Variants in PPM1E observed in about 807,000 individuals in gnomAD.
PPM1E encodes protein phosphatase 1E.
A neutral mutation model predicts 65.9 loss-of-function variants in PPM1E; 20 were observed. That is an observed-to-expected ratio of 0.30 (90% CI 0.21 to 0.44). The LOEUF (loss-of-function observed/expected upper bound fraction) is 0.44, where lower values mean the gene tolerates loss of function less well. Ranked by LOEUF, PPM1E falls within the 20% of genes least tolerant of loss-of-function variation. The probability of loss-of-function intolerance (pLI) is 1.00; values close to 1 mark genes in which losing one functional copy is unlikely to be tolerated. For missense variants in PPM1E, 713 were observed against 953.1 expected (o/e 0.75, Z 3.32); for synonymous variants, 352 against 374.9 (o/e 0.94, Z 0.70).
At chr17:58,830,292 G>GTTGTTGTTA (rs1555612724) in intron 1 of PPM1E, among the ~76,000 whole-genome samples, 1 of 146,816 alleles carries the variant, frequency 6.8e-6, no homozygotes, top group African/African-American at 2.5e-5. Flanking sequence ...TGTTGTTGTT[G>GTTGTTGTTA]TTATTATTAT....
chr17:58,823,016 G>A (rs552740912), intron 1 of PPM1E, among the ~76,000 whole-genome samples: 6 of 152,070 alleles, frequency 3.9e-5, no homozygotes, highest in Non-Finnish European at 8.8e-5. Flanking sequence ...GATGATTATT[G>A]CTCTTCTTGT....
chr17:58,790,317 G>A (rs2050145117), intron 1 of PPM1E, among the ~76,000 whole-genome samples: 1 of 152,028 alleles, frequency 6.6e-6, no homozygotes, highest in African/African-American at 2.4e-5. Flanking sequence ...ACCCACTGTG[G>A]CCTTTCAAAA....
At chr17:58,849,889 G>C (rs1369020040) in intron 1 of PPM1E, among the ~76,000 whole-genome samples, 1 of 152,142 alleles carries the variant, frequency 6.6e-6, no homozygotes, top group Non-Finnish European at 1.5e-5. Context: ...GGGTGTTAAA[G>C]TCTCTCATTA....
At chr17:58,837,571 C>T (rs1169163448) in intron 1 of PPM1E, among the ~76,000 whole-genome samples, 7 of 150,306 alleles carry the variant, frequency 4.7e-5, no homozygotes, top group African/African-American at 1.2e-4. Flanking sequence ...AATCTCTGCT[C>T]ACTGCAACCT....
chr17:58,871,808 C>A (rs1421498256), intron 1 of PPM1E, among the ~76,000 whole-genome samples: 1 of 59,032 alleles, frequency 1.7e-5, no homozygotes, highest in African/African-American at 7.0e-5. Flanking sequence ...CAAAGGGAGA[C>A]CCTGTCTCAA....
chr17:58,871,458 G>A (rs2051068865), intron 1 of PPM1E, among the ~76,000 whole-genome samples: 1 of 152,122 alleles, frequency 6.6e-6, no homozygotes, highest in African/African-American at 2.4e-5. Flanking sequence ...CAAGAACAGT[G>A]TCTCTCATCT....
At chr17:58,798,516 C>T (rs2050228675) in intron 1 of PPM1E, among the ~76,000 whole-genome samples, 1 of 149,548 alleles carries the variant, frequency 6.7e-6, no homozygotes, top group Non-Finnish European at 1.5e-5. Context: ...ATCCACCGCA[C>T]ACGGCCCTAT....
chr17:58,932,394 G>A (rs553530008), intron 1 of PPM1E, among the ~76,000 whole-genome samples: 8 of 152,214 alleles, frequency 5.3e-5, no homozygotes, highest in Non-Finnish European at 1.2e-4. Flanking sequence ...ACTTGAACTC[G>A]GGAGGTGGAG....
In PPM1E at chr17:58,832,760, C is replaced by T. The variant is rs147746726; in HGVS notation, c.464+76299C>T. On this transcript the variant is annotated intron_variant, in intron 1 of 6. Coordinates refer to ENST00000308249, the MANE Select transcript of PPM1E (RefSeq NM_014906.5). ...CAAAATCAGAAAACTGACATTGGTA[C>T]AATACTATTTATTAACTAAACTACT... Among the ~76,000 whole-genome samples, 9 of 152,192 alleles carry T rather than the reference C, an allele frequency of 5.9e-5. No individual in the cohort carries two copies. In the East Asian group the frequency reaches 1.7e-3, roughly 29 times the overall value.
At chr17:58,844,778 A>G (rs1335653235) in intron 1 of PPM1E, among the ~76,000 whole-genome samples, 1 of 152,246 alleles carries the variant, frequency 6.6e-6, no homozygotes, top group East Asian at 1.9e-4. Context: ...AGAGTAGTAG[A>G]CTTTTGCAAA....
At chr17:58,892,455 C>G (rs938792753) in intron 1 of PPM1E, among the ~76,000 whole-genome samples, 1 of 152,044 alleles carries the variant, frequency 6.6e-6, no homozygotes, top group Non-Finnish European at 1.5e-5. Context: ...TGCCTATATT[C>G]CCAGCTACTC....
intron 1 of PPM1E, among the ~76,000 whole-genome samples, chr17:58,916,501 C>CTA: frequency 6.6e-6 from 1 of 152,162 alleles, no homozygotes; most frequent in African/African-American, 2.4e-5. Context: ...TGGCTCACAC[C>CTA]TATAATCCCA....
intron 1 of PPM1E, among the ~76,000 whole-genome samples, chr17:58,905,460 T>C (rs972036637): frequency 6.6e-6 from 1 of 152,210 alleles, no homozygotes; most frequent in African/African-American, 2.4e-5. Flanking sequence ...TCTTTTGATA[T>C]GATCATGTAA....
At chr17:58,818,551 T>A (rs759914138) in intron 1 of PPM1E, among the ~76,000 whole-genome samples, 1 of 152,194 alleles carries the variant, frequency 6.6e-6, no homozygotes, top group Non-Finnish European at 1.5e-5. Context: ...TGAGGGCTAC[T>A]TATTCCCATA....
chr17:58,877,782 AT>A (rs1432798551), intron 1 of PPM1E, among the ~76,000 whole-genome samples: 75 of 152,296 alleles, frequency 4.9e-4, no homozygotes, highest in African/African-American at 1.8e-3. Flanking sequence ...ACTATTTCTA[AT>A]TTTTTGTCTA....
At chr17:58,873,516 T>A (rs1231201848) in intron 1 of PPM1E, among the ~76,000 whole-genome samples, 1 of 151,414 alleles carries the variant, frequency 6.6e-6, no homozygotes, top group African/African-American at 2.4e-5. Context: ...TACGTAGAGG[T>A]AGCAAGACTG....
intron 1 of PPM1E, among the ~76,000 whole-genome samples, chr17:58,888,509 G>A (rs2051308607): frequency 2.0e-5 from 3 of 151,688 alleles, no homozygotes; most frequent in Non-Finnish European, 4.4e-5. Context: ...GATTACAGGT[G>A]CCCACCACTG....
At chr17:58,923,391 TC>T (rs2051779728) in intron 1 of PPM1E, among the ~76,000 whole-genome samples, 1 of 151,404 alleles carries the variant, frequency 6.6e-6, no homozygotes, top group Admixed American at 6.6e-5. Context: ...AGCTGGAGGA[TC>T]ACTTGAGGCC....
At chr17:58,924,735 AC>A (rs2051802484) in intron 1 of PPM1E, among the ~76,000 whole-genome samples, 1 of 73,546 alleles carries the variant, frequency 1.4e-5, no homozygotes, top group African/African-American at 5.3e-5. Flanking sequence ...CTTGCCCCCC[AC>A]CCCCCAACTG....
Sources: gnomAD v4.1 joint callset for allele counts (sites outside exome capture counted in the v4.1 genomes callset) on GRCh38, gnomAD v4.1.1 for gene constraint, MANE v1.5 for transcripts, NCBI Gene and HGNC (gene_info 2026-07-23, HGNC 2026-07-21) for gene names.